The following SFMBT2 variants were observed in gnomAD, a reference collection of about 807,000 sequenced individuals.
SFMBT2 encodes the protein scm-like with four MBT domains protein 2.
In SFMBT2, 38 loss-of-function variants were observed where a neutral mutation model predicts 110.1. That is an observed-to-expected ratio of 0.35 (90% confidence interval 0.27 to 0.45). The LOEUF is 0.45. Among genes scored for constraint, SFMBT2 ranks in the 20% least tolerant of loss-of-function variants. The pLI, the probability that SFMBT2 is intolerant of heterozygous loss-of-function variation, is 1.00. For synonymous variants in SFMBT2, 425 were observed against 425.4 expected (o/e 1.00, Z 0.01); for missense variants, 1,011 against 1,094.9 (o/e 0.92, Z 1.08).
intron 2 of SFMBT2, among the ~76,000 whole-genome samples, chr10:7,371,095 G>A (rs568254136): frequency 2.4e-4 from 36 of 152,210 alleles, no homozygotes; most frequent in African/African-American, 8.2e-4. Context: ...TCTTAAAATC[G>A]TAACTATTTG....
At chr10:7,287,077 CTTTT>C (rs761728311) in intron 4 of SFMBT2, among the ~76,000 whole-genome samples, 1 of 99,684 alleles carries the variant, frequency 1.0e-5, no homozygotes, top group African/African-American at 3.8e-5. Flanking sequence ...TTTGAGGCAT[CTTTT>C]TTTTTTTTTT....
In SFMBT2 at chr10:7,307,879, C is replaced by A. The variant is rs144446659; in HGVS notation, c.437-21925G>T. 6.0e-3 allele frequency among the ~76,000 whole-genome samples: 906 copies of A among 152,242 alleles called. 4 individuals carry two copies. Among genetic ancestry groups the A allele is most frequent in the Admixed American group, 0.014 (207 of 15,294 alleles). On this transcript the variant is annotated intron_variant, in intron 4 of 20. Coordinates refer to ENST00000397167, the MANE Select transcript of SFMBT2 (RefSeq NM_001387889.1). ...AAGTCATTAAAAAGAAAACTACAAG[C>A]CACAAACTATTAAAAGCAAGAATTT...
At chr10:7,218,921 G>A (rs1290825927) in intron 11 of SFMBT2, among the ~76,000 whole-genome samples, 1 of 152,114 alleles carries the variant, frequency 6.6e-6, no homozygotes, top group Non-Finnish European at 1.5e-5. Context: ...GTTTCTGTTA[G>A]GTAATTAACA....
intron 1 of SFMBT2, among the ~76,000 whole-genome samples, chr10:7,400,434 G>T (rs1254085906): frequency 6.6e-6 from 1 of 152,184 alleles, no homozygotes; most frequent in Non-Finnish European, 1.5e-5. Context: ...TCCAGGGTTG[G>T]CTATCTTTCA....
rs755685517 is a variant in SFMBT2, at chr10:7,220,415, C to T, written c.1326G>A (p.Leu442=). The T allele has an allele frequency of 1.9e-6, 3 of 1,613,652 alleles. No individual in the cohort carries two copies. Among genetic ancestry groups the T allele is most frequent in the Non-Finnish European group, 2.5e-6 (3 of 1,179,772 alleles). The change falls in exon 11 of 21, where the codon CTG becomes CTA. Residue 442 remains leucine (L), a synonymous_variant. Coordinates refer to ENST00000397167, the MANE Select transcript of SFMBT2 (RefSeq NM_001387889.1). ...CTACCCCCAGCGAGTACGTACCTTC[C>T]AGGTGAAGCCACATTAGCCGCCCCT... The part of the protein sequence containing the change: ...SVKGRLMWLH[L]EGLQTPVPEV...
chr10:7,309,503 G>A lies in SFMBT2; in HGVS notation c.437-23549C>T, dbSNP rs151020661. 3.9e-5 allele frequency among the ~76,000 whole-genome samples: 6 copies of A among 152,318 alleles called. 1 individual carries two copies. In the East Asian group the frequency reaches 1.2e-3, roughly 29 times the overall value. On this transcript the variant is annotated intron_variant, in intron 4 of 20. Transcript: ENST00000397167. ...AGGACGAGGCCTGACAAAGATGGCA[G>A]GGCCCCAGGATAGAAGATAGCTGGC...
intron 2 of SFMBT2, among the ~76,000 whole-genome samples, chr10:7,381,527 C>T (rs552190380): frequency 2.0e-5 from 3 of 152,274 alleles, no homozygotes; most frequent in African/African-American, 7.2e-5. Flanking sequence ...CTCCATGCTA[C>T]GGTGATTTGT....
At chr10:7,315,263 T>A (rs34587310) in intron 4 of SFMBT2, among the ~76,000 whole-genome samples, 1 of 152,176 alleles carries the variant, frequency 6.6e-6, no homozygotes, top group Non-Finnish European at 1.5e-5. Flanking sequence ...TGTTTCTGGC[T>A]GACATTAGCA....
intron 9 of SFMBT2, among the ~76,000 whole-genome samples, chr10:7,229,503 G>C (rs1228452866): frequency 6.7e-6 from 1 of 149,850 alleles, no homozygotes; most frequent in Non-Finnish European, 1.5e-5. Context: ...GCTCAAACCC[G>C]TGAGGCAGAG....
intron 4 of SFMBT2, among the ~76,000 whole-genome samples, chr10:7,311,323 T>C (rs1397374596): frequency 6.6e-6 from 1 of 152,238 alleles, no homozygotes; most frequent in Non-Finnish European, 1.5e-5. Flanking sequence ...CTCTAGGTAG[T>C]CCATCTTTCA....
At chr10:7,249,437 A>AC (rs769005607) in intron 7 of SFMBT2, 180 of 817,710 alleles carry the variant, frequency 2.2e-4, no homozygotes, top group Non-Finnish European at 2.5e-4. Context: ...GATGGAGGTC[A>AC]CCTCATAACT....
intron 4 of SFMBT2, among the ~76,000 whole-genome samples, chr10:7,324,046 T>C (rs1588448968): frequency 6.6e-6 from 1 of 152,256 alleles, no homozygotes; most frequent in African/African-American, 2.4e-5. Context: ...TAAAGCAGTT[T>C]AGTGAATATA....
Position 7,376,972 on chromosome 10 carries a change from C to T in SFMBT2, c.100+4827G>A, listed in dbSNP as rs180708620. ...AATCACGAGGTCAGGAGATCGAGACCGTCCTGGCTAACATGGTGAAACCCC... is the reference window on the plus strand; with the variant it reads ...AATCACGAGGTCAGGAGATCGAGACTGTCCTGGCTAACATGGTGAAACCCC... On this transcript the variant is annotated intron_variant, in intron 2 of 20. Coordinates refer to ENST00000397167, the MANE Select transcript of SFMBT2 (RefSeq NM_001387889.1). Among the ~76,000 whole-genome samples, 250 of 151,168 alleles carry T rather than the reference C, an allele frequency of 1.7e-3. 3 individuals carry two copies. Among genetic ancestry groups the T allele is most frequent in the African/African-American group, 5.6e-3 (230 of 41,272 alleles).
rs865965380 is a variant in SFMBT2, at chr10:7,356,022, C to T, written c.436+11627G>A. Among the ~76,000 whole-genome samples the T allele has an allele frequency of 7.2e-5, 11 of 152,346 alleles. 1 individual carries two copies. The highest frequency in any genetic ancestry group is 6.8e-3 in the Middle Eastern group (2 of 294). On this transcript the variant is annotated intron_variant, in intron 4 of 20. Coordinates refer to ENST00000397167, the MANE Select transcript of SFMBT2 (RefSeq NM_001387889.1). ...CTCTGACAGTGGCAACACCACAACT[C>T]ACAAAATCACAGCATTCGGACACAG...
intron 1 of SFMBT2, among the ~76,000 whole-genome samples, chr10:7,392,224 T>C (rs1295590467): frequency 6.6e-6 from 1 of 152,146 alleles, no homozygotes; most frequent in Non-Finnish European, 1.5e-5. Flanking sequence ...ATTCAAAAAA[T>C]AGTATCCTGC....
intron 15 of SFMBT2, among the ~76,000 whole-genome samples, chr10:7,194,108 C>A (rs1458490863): frequency 1.3e-5 from 2 of 152,192 alleles, no homozygotes; most frequent in African/African-American, 4.8e-5. Flanking sequence ...GGGGCGGTCA[C>A]CAGCTGGGCC....
At chr10:7,323,965 A>G (rs1843287021) in intron 4 of SFMBT2, among the ~76,000 whole-genome samples, 1 of 152,242 alleles carries the variant, frequency 6.6e-6, no homozygotes. Context: ...ATAAAATGGA[A>G]TTCTATATGG....
intron 11 of SFMBT2, chr10:7,207,593 AC>A: frequency 1.0e-6 from 1 of 983,692 alleles, no homozygotes; most frequent in Non-Finnish European, 1.2e-6. Context: ...GAGCCCCATT[AC>A]CATCCAAGTC....
intron 9 of SFMBT2, among the ~76,000 whole-genome samples, chr10:7,229,384 G>A (rs1243720204): frequency 6.6e-6 from 1 of 152,044 alleles, no homozygotes; most frequent in Non-Finnish European, 1.5e-5. Flanking sequence ...TTCAAGACCA[G>A]CCTGGCCAAG....
Sources: allele counts gnomAD v4.1 joint callset (sites outside exome capture counted in the v4.1 genomes callset), GRCh38; gene constraint gnomAD v4.1.1; transcripts MANE v1.5; gene names NCBI Gene and HGNC (gene_info 2026-07-23, HGNC 2026-07-21).